MPZL2: variants seen among roughly 807,000 people sequenced by gnomAD.
The protein encoded by MPZL2 is myelin protein zero-like protein 2.
In MPZL2, 32 loss-of-function variants were observed where a neutral mutation model predicts 24.5. The observed-to-expected ratio is 1.31, with a 90% CI of 0.99 to 1.76. The LOEUF (loss-of-function observed/expected upper bound fraction) is 1.76, where lower values mean the gene tolerates loss of function less well. Among genes scored for constraint, MPZL2 ranks in the 40% most tolerant of loss-of-function variants. MPZL2 has a pLI of 0.00. For synonymous variants in MPZL2, 92 were observed against 97.9 expected (o/e 0.94, Z 0.36); for missense variants, 304 against 274.9 (o/e 1.11, Z -0.75).
chr11:118,257,288 C>A lies in MPZL2; in HGVS notation c.610G>T (p.Glu204Ter). 1.2e-6 allele frequency: 2 copies of A among 1,611,570 alleles called. No homozygotes were observed. Among genetic ancestry groups the A allele is most frequent in the Non-Finnish European group, 1.7e-6 (2 of 1,178,786 alleles). The stretch of plus-strand genomic sequence containing the variant: ...TCTAAATAAACAGAGACCTTTTTCT[C>A]TTGGTTGAGCCTTTCCTCTTCTTTT... ...KSKEEERLNQ[E>*]KKVSVYLEDT... Residue 204 changes from glutamate (E) to a stop codon, truncating the protein, a stop_gained, in exon 5 of 6, where the codon GAG becomes TAG. Transcript: ENST00000278937. LOFTEE classifies it high-confidence loss of function.
At chr11:118,259,222 T>C (rs1405830390) in intron 4 of MPZL2, 1 of 152,158 alleles carries the variant, frequency 6.6e-6, no homozygotes, top group African/African-American at 2.4e-5. Context: ...AATGAATGTT[T>C]ATAGCAGCAT....
intron 4 of MPZL2, chr11:118,259,792 A>G: frequency 3.2e-6 from 1 of 309,192 alleles, no homozygotes. Flanking sequence ...GATTTTTTAG[A>G]AAAGCTTTAC....
Position 118,262,975 on chromosome 11 carries a change from C to T in MPZL2, c.181G>A (p.Val61Met), listed in dbSNP as rs761514111. 1.2e-6 allele frequency: 2 copies of T among 1,614,198 alleles called. No individual in the cohort carries two copies. Among genetic ancestry groups the T allele is most frequent in the Non-Finnish European group, 1.7e-6 (2 of 1,180,026 alleles). ...SFAPVGDALT[V>M]TWNFRPLDGG... ...TCTAGAGGACGAAAATTCCAGGTCA[C>T]TGTTAGAGCATCACCCACAGGGGCA... The change falls in exon 2 of 6, where the codon GTG (valine) becomes ATG (methionine). Residue 61 changes from valine (V) to methionine (M), a missense_variant. Coordinates refer to ENST00000278937, the MANE Select transcript of MPZL2 (RefSeq NM_005797.4).
chr11:118,256,283 T>C (rs1175345413), intron 5 of MPZL2, among the ~76,000 whole-genome samples: 1 of 152,208 alleles, frequency 6.6e-6, no homozygotes, highest in Non-Finnish European at 1.5e-5. Flanking sequence ...AATTTAAGTT[T>C]GCATGTCCGG....
chr11:118,258,127 A>G (rs1262147843), intron 4 of MPZL2, among the ~76,000 whole-genome samples: 5 of 152,236 alleles, frequency 3.3e-5, no homozygotes, highest in Admixed American at 1.3e-4. Flanking sequence ...TGCCTCAGCC[A>G]TATACGAAAA....
At chr11:118,256,989 A>G (rs1058027) in intron 5 of MPZL2, 2 of 298,222 alleles carry the variant, frequency 6.7e-6, no homozygotes, top group Non-Finnish European at 6.1e-6. Flanking sequence ...CGAAGCCACA[A>G]ATAACCTTAG....
At chr11:118,257,637 AG>A (rs1202684974) in intron 4 of MPZL2, 2 of 197,214 alleles carry the variant, frequency 1.0e-5, no homozygotes, top group African/African-American at 4.7e-5. Flanking sequence ...AAAAATAAAA[AG>A]TTTTGTGTTG....
chr11:118,260,438 T>C (rs1302729743), intron 3 of MPZL2, among the ~76,000 whole-genome samples: 2 of 152,154 alleles, frequency 1.3e-5, no homozygotes, highest in Non-Finnish European at 2.9e-5. Flanking sequence ...CTTGAGAACA[T>C]GGAAATCTTA....
At chr11:118,262,842 A>G in intron 2 of MPZL2, 89 bp downstream of exon 2, 3 of 1,505,100 alleles carry the variant, frequency 2.0e-6, no homozygotes, top group South Asian at 2.5e-5. Context: ...CTTGCTGCTA[A>G]GAAAAATACT....
At chr11:118,262,340 A>T (rs1309609644) in intron 3 of MPZL2, 98 bp downstream of exon 3, 1 of 1,298,848 alleles carries the variant, frequency 7.7e-7, no homozygotes, top group East Asian at 2.4e-5. Flanking sequence ...TATCCATCAC[A>T]AAAGATTGTC....
chr11:118,262,265 T>G (rs1208769805), intron 3 of MPZL2, among the ~76,000 whole-genome samples, 173 bp downstream of exon 3: 1 of 152,178 alleles, frequency 6.6e-6, no homozygotes, highest in Non-Finnish European at 1.5e-5. Context: ...GCCTTTCTCT[T>G]TTTACCCCAG....
In MPZL2 at chr11:118,262,695, A is replaced by G. The variant is rs1458554067; in HGVS notation, c.226-47T>C. ...AGGTCTTCTTACTCAGCACCCAGGC[A>G]AGGAGGCCAAGATGGTGGGAGCGGA... On this transcript the variant is annotated intron_variant, in intron 2 of 5. Transcript: ENST00000278937. The G allele has an allele frequency of 3.2e-6, 5 of 1,576,138 alleles. No homozygotes were observed. The African/African-American group carries it at 6.8e-5, about 21-fold the overall frequency.
rs1949666585 is a variant in MPZL2, at chr11:118,257,236, A to G, written c.*12+2T>C. 1.2e-6 allele frequency: 2 copies of G among 1,601,744 alleles called. No individual in the cohort carries two copies. Among genetic ancestry groups the G allele is most frequent in the African/African-American group, 1.3e-5 (1 of 74,572 alleles). On this transcript the variant is annotated splice_donor_variant, in intron 5 of 5. Coordinates refer to ENST00000278937, the MANE Select transcript of MPZL2 (RefSeq NM_005797.4). LOFTEE classifies it low-confidence loss of function (3UTR_SPLICE). The stretch of plus-strand genomic sequence containing the variant: ...AGAAATCAACCTATTTGTGAACCTT[A>G]CCATCTAAAATTGTTAGTCTGTGTC...
intron 3 of MPZL2, among the ~76,000 whole-genome samples, chr11:118,262,095 T>C (rs187814045): frequency 9.3e-4 from 142 of 152,316 alleles, no homozygotes; most frequent in Non-Finnish European, 1.3e-3. Flanking sequence ...GAGTAGGTAC[T>C]CAATAAGTAT....
At chr11:118,262,402 A>G in intron 3 of MPZL2, 36 bp downstream of exon 3, 1 of 1,602,426 alleles carries the variant, frequency 6.2e-7, no homozygotes, top group Non-Finnish European at 8.5e-7. Context: ...ACAAGCTCTC[A>G]TCCTTTCCAA....
At chr11:118,255,852 T>C (rs531281456) in intron 5 of MPZL2, among the ~76,000 whole-genome samples, 246 of 152,288 alleles carry the variant, frequency 1.6e-3, no homozygotes, top group Middle Eastern at 0.01. Flanking sequence ...ACTTTCCCAA[T>C]TGCCCCTCCA....
Position 118,262,412 on chromosome 11 carries a change from AAACCACTGTTCCCT to A in MPZL2, c.436+12_436+25del. The A allele has an allele frequency of 6.2e-7, 1 of 1,610,544 alleles. No homozygotes were observed. ...TTTCTACAAGCTCTCATCCTTTCCA[AAACCACTGTTCCCT>A]GCATAACCTACCAGTGTGCACGACG... On this transcript the variant is annotated intron_variant, in intron 3 of 5. Transcript: ENST00000278937.
Position 118,260,050 on chromosome 11 carries a change from T to A in MPZL2, c.584+4A>T. 1 of 1,613,896 alleles carries A rather than the reference T, an allele frequency of 6.2e-7. No individual in the cohort carries two copies. The highest frequency in any genetic ancestry group is 1.1e-5 in the South Asian group (1 of 91,058). On this transcript the variant is annotated splice_donor_region_variant and intron_variant, in intron 4 of 5. Coordinates refer to ENST00000278937, the MANE Select transcript of MPZL2 (RefSeq NM_005797.4). ...AGAACTTTCCCAGAACTGCCCAGCC[T>A]TACGATTTTATCTCCACCACTTTAT...
At position 118,262,492 on chromosome 11, in the gene MPZL2, G is replaced by C; in HGVS notation, c.382C>G (p.Pro128Ala). The change falls in exon 3 of 6, where the codon CCA becomes GCA. Residue 128 changes from proline (P) to alanine (A), a missense_variant. Transcript: ENST00000278937. ...NGTYTCQVKN[P>A]PDVDGVIGEI... The stretch of plus-strand genomic sequence containing the variant: ...CCTATCACCCCATCAACATCAGGTG[G>C]GTTCTTCACCTGGCAGGTGTATGTC... 1 of 1,614,124 alleles carries C rather than the reference G, an allele frequency of 6.2e-7. No individual in the cohort carries two copies.
Sources: allele counts gnomAD v4.1 joint callset (sites outside exome capture counted in the v4.1 genomes callset), GRCh38; gene constraint gnomAD v4.1.1; transcripts MANE v1.5; gene names NCBI Gene and HGNC (gene_info 2026-07-23, HGNC 2026-07-21).